The following HELQ variants were observed in gnomAD, a reference collection of about 807,000 sequenced individuals.
HELQ encodes helicase POLQ-like.
HELQ carries 77 observed loss-of-function variants against 111.6 expected under a neutral mutation model. The observed-to-expected ratio is 0.69, with a 90% confidence interval of 0.57 to 0.83. The LOEUF is 0.83. HELQ is among the 40% of genes least tolerant of loss of function. The pLI is 0.00. For missense variants in HELQ, 1,200 were observed against 1,288.5 expected (o/e 0.93, Z 1.05); for synonymous variants, 438 against 454.7 (o/e 0.96, Z 0.47).
chr4:83,424,633 A>G (rs1719746285), intron 14 of HELQ, among the ~76,000 whole-genome samples: 1 of 151,952 alleles, frequency 6.6e-6, no homozygotes, highest in African/African-American at 2.4e-5. Context: ...ATCTCAGCTT[A>G]CTGCAACCTC....
At chr4:83,413,153 T>C (rs6826306) in intron 17 of HELQ, among the ~76,000 whole-genome samples, 10,523 of 152,234 alleles carry the variant, frequency 0.069, 1,250 homozygotes, top group African/African-American at 0.24. Flanking sequence ...GACCTATGAA[T>C]CTCTTCATCT....
At chr4:83,438,649 G>A (rs1209507356) in intron 8 of HELQ, among the ~76,000 whole-genome samples, 3 of 149,330 alleles carry the variant, frequency 2.0e-5, no homozygotes, top group Non-Finnish European at 2.9e-5. Flanking sequence ...GGCTGAGGTA[G>A]GAGGATCACT....
chr4:83,444,733 T>G (rs1720960789), intron 5 of HELQ, among the ~76,000 whole-genome samples: 1 of 152,212 alleles, frequency 6.6e-6, no homozygotes, highest in South Asian at 2.1e-4. Flanking sequence ...GGGAGTATCC[T>G]TCTCATTCCA....
chr4:83,451,226 C>A (rs1232681093), intron 2 of HELQ, among the ~76,000 whole-genome samples: 1 of 151,256 alleles, frequency 6.6e-6, no homozygotes, highest in Admixed American at 6.6e-5. Flanking sequence ...ATGTCCTTAA[C>A]ACAGACTCTA....
rs1721192158 is a variant in HELQ, at chr4:83,448,804, A to T, written c.1170T>A (p.Tyr390Ter). ...CRKDVLMILP[Y>*]VAIVQEKISG... ...ACACCTTTTCTTGGACAATTGCCAC[A>T]TATGGAAGAATCATTAAAACATCTT... is the stretch of plus-strand genomic sequence containing the variant. The change falls in exon 3 of 18, where the codon TAT (tyrosine) becomes TAA (stop). Residue 390 changes from tyrosine (Y) to a stop codon, truncating the protein, a stop_gained. Transcript: ENST00000295488. LOFTEE classifies it high-confidence loss of function. The T allele has an allele frequency of 6.2e-7, 1 of 1,613,496 alleles. No homozygotes were observed. Among genetic ancestry groups the T allele is most frequent in the African/African-American group, 1.3e-5 (1 of 74,932 alleles).
At chr4:83,409,650 T>C (rs542452829) in intron 17 of HELQ, among the ~76,000 whole-genome samples, 15 of 151,820 alleles carry the variant, frequency 9.9e-5, no homozygotes, top group Non-Finnish European at 1.8e-4. Context: ...AGAAAAACTG[T>C]AACACAACAC....
chr4:83,422,992 T>C (rs190733555), intron 14 of HELQ, among the ~76,000 whole-genome samples: 18 of 152,362 alleles, frequency 1.2e-4, no homozygotes, highest in Non-Finnish European at 2.5e-4. Flanking sequence ...CTGTAGTTGA[T>C]GATTTCGATT....
At position 83,453,497 on chromosome 4, in the gene HELQ, G is replaced by A. The variant is rs1446254731; in HGVS notation, c.746C>T (p.Ser249Phe). ...CIEQPQQNDE[S>F]SSKVRTSSDM... ...TGAACTAGTTCTGACTTTGGAAGAGGACTCATCATTTTGCTGGGGTTGCTC... is the reference window on the plus strand; with the variant it reads ...TGAACTAGTTCTGACTTTGGAAGAGAACTCATCATTTTGCTGGGGTTGCTC... The change falls in exon 2 of 18, where the codon TCC becomes TTC. Residue 249 changes from serine to phenylalanine, a missense_variant. Ser to Phe is a radical substitution (Grantham distance 155, BLOSUM62 -2). Transcript: ENST00000295488. 6.2e-7 allele frequency: 1 copy of A among 1,613,608 alleles called. No individual in the cohort carries two copies.
chr4:83,445,604 G>A (rs894327882), intron 5 of HELQ, among the ~76,000 whole-genome samples: 11 of 152,164 alleles, frequency 7.2e-5, no homozygotes, highest in Non-Finnish European at 1.5e-4. Context: ...TATGTTATAT[G>A]TATTATTATG....
At position 83,455,457 on chromosome 4, in the gene HELQ, A is replaced by C. The variant is rs1721715107; in HGVS notation, c.237T>G (p.Gly79=). ...SDSPECLVLG[G]GDTNPDLLRH... The stretch of plus-strand genomic sequence containing the variant: ...GTAGGAGGTCCGGGTTTGTATCACC[A>C]CCTCCAAGGACGAGACATTCCGGGG... Residue 79 remains glycine, a synonymous_variant, in exon 1 of 18, where the codon GGT becomes GGG. Coordinates refer to ENST00000295488, the MANE Select transcript of HELQ (RefSeq NM_133636.5). The C allele has an allele frequency of 6.2e-7, 1 of 1,613,804 alleles. No homozygotes were observed. Among genetic ancestry groups the C allele is most frequent in the Admixed American group, 1.7e-5 (1 of 59,980 alleles).
Position 83,426,053 on chromosome 4 carries a change from T to G in HELQ, c.2716A>C (p.Ile906Leu), listed in dbSNP as rs763256489. ...LSPAEQNVAA[I>L]LGVSESFIGK... ...ATAAAGCTTTCAGAGACTCCAAGAA[T>G]GGCAGCTACATTTTGTTCTGCTGGA... is the stretch of plus-strand genomic sequence containing the variant. Residue 906 changes from isoleucine to leucine, a missense_variant, in exon 14 of 18, where the codon ATT (isoleucine) becomes CTT (leucine). By Grantham distance (5) the Ile-to-Leu change is conservative. Around this residue, in one of 3 missense-constraint regions of HELQ, gnomAD observed 585 missense variants for 665.3 expected, o/e 0.88. Coordinates refer to ENST00000295488, the MANE Select transcript of HELQ (RefSeq NM_133636.5). 1 of 1,611,092 alleles carries G rather than the reference T, an allele frequency of 6.2e-7. No homozygotes were observed. Among genetic ancestry groups the G allele is most frequent in the Non-Finnish European group, 8.5e-7 (1 of 1,177,634 alleles).
At chr4:83,414,708 A>G (rs1264276636) in intron 17 of HELQ, among the ~76,000 whole-genome samples, 1 of 152,252 alleles carries the variant, frequency 6.6e-6, no homozygotes, top group Non-Finnish European at 1.5e-5. Flanking sequence ...TTTTCCTCAC[A>G]GTAAAACATC....
At chr4:83,409,752 C>T (rs1488492336) in intron 17 of HELQ, among the ~76,000 whole-genome samples, 1 of 151,846 alleles carries the variant, frequency 6.6e-6, no homozygotes, top group Non-Finnish European at 1.5e-5. Flanking sequence ...AAACTAAGAA[C>T]CGACATGGAC....
rs559851910 is a variant in HELQ, at chr4:83,446,465, C to T, written c.1392+370G>A. On this transcript the variant is annotated intron_variant, in intron 4 of 17. Transcript: ENST00000295488. ...GGGATTACAGGCGCCCACCACCACG[C>T]CCGGCTAATTTTTGTATTTTTAGTA... Among the ~76,000 whole-genome samples, 7 of 151,846 alleles carry T rather than the reference C, an allele frequency of 4.6e-5. No homozygotes were observed. In the East Asian group the frequency reaches 1.2e-3, roughly 25 times the overall value.
intron 15 of HELQ, among the ~76,000 whole-genome samples, chr4:83,419,174 T>C (rs1739524141): frequency 6.6e-6 from 1 of 151,536 alleles, no homozygotes; most frequent in Non-Finnish European, 1.5e-5. Flanking sequence ...TTTTTTTTTT[T>C]TTTTTTCTAG....
intron 17 of HELQ, among the ~76,000 whole-genome samples, chr4:83,415,070 T>C (rs998208328): frequency 6.6e-6 from 1 of 152,180 alleles, no homozygotes; most frequent in Admixed American, 6.5e-5. Context: ...CTGATTTATA[T>C]ATGAAAATAG....
intron 1 of HELQ, 93 bp downstream of exon 1, chr4:83,455,302 CGA>C: frequency 1.9e-6 from 3 of 1,543,504 alleles, no homozygotes; most frequent in South Asian, 1.2e-5. Flanking sequence ...GTAACGAAGA[CGA>C]GAGAAGTAAA....
Position 83,439,901 on chromosome 4 carries a change from A to G in HELQ, c.1770T>C (p.Cys590=). The G allele has an allele frequency of 6.2e-7, 1 of 1,600,804 alleles. No homozygotes were observed. The highest frequency in any genetic ancestry group is 1.1e-5 in the South Asian group (1 of 89,758). The change falls in exon 8 of 18, where the codon TGT becomes TGC. Residue 590 remains cysteine, a synonymous_variant. Coordinates refer to ENST00000295488, the MANE Select transcript of HELQ (RefSeq NM_133636.5). ...TGCATATCATTTCTGCTACATTTTC[A>G]CAGTTCTTCTTACTAGGACAAAAAA... ...CLVFCPSKKN[C]ENVAEMICKF...
At chr4:83,407,583 G>A (rs778731620) in intron 17 of HELQ, 23 bp from the exon 18 acceptor site, 27 of 1,515,612 alleles carry the variant, frequency 1.8e-5, no homozygotes, top group Non-Finnish European at 2.1e-5. Flanking sequence ...ATTAAGACGT[G>A]AGGCCAAAAT....
Sources: allele counts gnomAD v4.1 joint callset (sites outside exome capture counted in the v4.1 genomes callset), GRCh38; gene constraint gnomAD v4.1.1; regional missense constraint gnomAD v4.1.1; transcripts MANE v1.5; gene names NCBI Gene and HGNC (gene_info 2026-07-23, HGNC 2026-07-21).